SHC4: variants seen among roughly 807,000 people sequenced by gnomAD.
SHC4 encodes SHC-transforming protein 4.
A neutral mutation model predicts 69.4 loss-of-function variants in SHC4; 41 were observed. The ratio of observed to expected loss-of-function variants is 0.59; its 90% CI spans 0.46 to 0.77. The LOEUF is 0.77. Ranked by LOEUF, SHC4 falls within the 30% of genes least tolerant of loss-of-function variation. SHC4 has a pLI of 0.00. For missense variants in SHC4, 777 were observed against 783.8 expected, an observed-to-expected ratio of 0.99 and a Z score of 0.10; for synonymous variants, 318 against 299.3, an observed-to-expected ratio of 1.06 and a Z score of -0.64.
At chr15:48,935,092 T>C (rs1232549533) in intron 1 of SHC4, among the ~76,000 whole-genome samples, 4 of 152,152 alleles carry the variant, frequency 2.6e-5, no homozygotes, top group African/African-American at 4.8e-5. Flanking sequence ...TACATCTCAA[T>C]AAATCAATTA....
intron 2 of SHC4, among the ~76,000 whole-genome samples, chr15:48,910,826 A>G (rs1246635299): frequency 6.6e-6 from 1 of 152,162 alleles, no homozygotes; most frequent in Non-Finnish European, 1.5e-5. Context: ...TTTGACCCAA[A>G]TGCTCATGCA....
At chr15:48,927,506 G>T (rs1052349706) in intron 1 of SHC4, among the ~76,000 whole-genome samples, 1 of 152,164 alleles carries the variant, frequency 6.6e-6, no homozygotes, top group Admixed American at 6.5e-5. Context: ...CCGCTGTGGT[G>T]GTTCTTCAAA....
At chr15:48,865,046 C>T (rs1338296522) in intron 6 of SHC4, among the ~76,000 whole-genome samples, 2 of 152,174 alleles carry the variant, frequency 1.3e-5, no homozygotes, top group African/African-American at 4.8e-5. Flanking sequence ...TTTTTACTTA[C>T]TCCACAAATC....
intron 6 of SHC4, among the ~76,000 whole-genome samples, chr15:48,860,130 T>C (rs1051824139): frequency 7.2e-5 from 11 of 151,766 alleles, no homozygotes; most frequent in Non-Finnish European, 8.8e-5. Flanking sequence ...CTAACACTAA[T>C]ATGCTAGCAA....
chr15:48,860,716 G>A lies in SHC4; in HGVS notation c.947-2901C>T, dbSNP rs1020541336. On this transcript the variant is annotated intron_variant, in intron 6 of 11. Transcript: ENST00000332408. ...GCTAAATTGTACTTCCAGTGAGGGC[G>A]ATGAGAGAATAGGATGTTTAAAAGA... Among the ~76,000 whole-genome samples, 18 of 152,228 alleles carry A rather than the reference G, an allele frequency of 1.2e-4. 1 individual carries two copies. Among genetic ancestry groups the A allele is most frequent in the Non-Finnish European group, 1.9e-4 (13 of 68,010 alleles).
chr15:48,923,156 G>C (rs767381389), intron 2 of SHC4, among the ~76,000 whole-genome samples: 4 of 152,244 alleles, frequency 2.6e-5, no homozygotes, highest in Non-Finnish European at 4.4e-5. Context: ...TCATAAGGCA[G>C]AGAGTCTCAA....
intron 2 of SHC4, among the ~76,000 whole-genome samples, chr15:48,906,480 A>C (rs1900407656): frequency 1.4e-5 from 2 of 142,844 alleles, no homozygotes; most frequent in East Asian, 2.0e-4. Context: ...CCCTTCTCCT[A>C]CTCCCCCATC....
In SHC4 at chr15:48,834,655, G is replaced by A. The variant is rs140384808; in HGVS notation, c.1737+114C>T. ...GTCCTGCTCCAGCTGGAAGGTTCCA[G>A]AAAAAGCAAATACTTAGCCTTGAGC... On this transcript the variant is annotated intron_variant, in intron 11 of 11. Transcript: ENST00000332408. 25 of 1,478,078 alleles carry A rather than the reference G, an allele frequency of 1.7e-5. No homozygotes were observed. In the African/African-American group the frequency reaches 3.4e-4, roughly 20 times the overall value. 91.6% of individuals were successfully genotyped at this position (1,478,078 alleles called of 1,614,324 possible).
At chr15:48,860,046 A>G (rs1458029168) in intron 6 of SHC4, among the ~76,000 whole-genome samples, 1 of 152,188 alleles carries the variant, frequency 6.6e-6, no homozygotes, top group Non-Finnish European at 1.5e-5. Flanking sequence ...CCCTGTCTCT[A>G]AAAAAGAAAG....
Position 48,829,102 on chromosome 15 carries a change from T to TA in SHC4, c.1738-2977dup. 2.0e-5 allele frequency among the ~76,000 whole-genome samples: 3 copies of TA among 152,358 alleles called. 1 individual carries two copies. The highest frequency in any genetic ancestry group is 7.2e-5 in the African/African-American group (3 of 41,594). On this transcript the variant is annotated intron_variant, in intron 11 of 11. Transcript: ENST00000332408. ...TCTGCCTCTAGTTTCATTCCACTGA[T>TA]ACTTGTTATGATGTCAGCCTCTTAA...
chr15:48,926,048 A>T (rs1199731614), intron 1 of SHC4, among the ~76,000 whole-genome samples: 1 of 152,084 alleles, frequency 6.6e-6, no homozygotes, highest in East Asian at 1.9e-4. Flanking sequence ...GAAGATGATG[A>T]ATTGGTTTGG....
chr15:48,954,407 C>T (rs987473244), intron 1 of SHC4, among the ~76,000 whole-genome samples: 1 of 152,204 alleles, frequency 6.6e-6, no homozygotes, highest in African/African-American at 2.4e-5. Context: ...CAGCCTCAGA[C>T]ATTCTGGTCC....
At chr15:48,932,377 A>G (rs186339498) in intron 1 of SHC4, among the ~76,000 whole-genome samples, 7 of 152,312 alleles carry the variant, frequency 4.6e-5, no homozygotes, top group Non-Finnish European at 8.8e-5. Context: ...TCCTTCTACT[A>G]CAGGTTGTCC....
At chr15:48,888,629 C>T (rs1900080052) in intron 3 of SHC4, among the ~76,000 whole-genome samples, 1 of 152,034 alleles carries the variant, frequency 6.6e-6, no homozygotes, top group South Asian at 2.1e-4. Context: ...AGTGGTAGCT[C>T]ACACCTATGA....
At chr15:48,883,101 A>G (rs186588423) in intron 4 of SHC4, among the ~76,000 whole-genome samples, 3 of 152,310 alleles carry the variant, frequency 2.0e-5, no homozygotes, top group Admixed American at 2.0e-4. Flanking sequence ...CTGTACTTAT[A>G]TGTTACTGAT....
chr15:48,877,999 G>A (rs1899848739), intron 4 of SHC4: 3 of 673,540 alleles, frequency 4.5e-6, no homozygotes, highest in African/African-American at 1.8e-5. Context: ...CAACACCCCG[G>A]AGAAAACACT....
At chr15:48,902,333 A>G (rs1201011369) in intron 2 of SHC4, among the ~76,000 whole-genome samples, 2 of 152,178 alleles carry the variant, frequency 1.3e-5, no homozygotes, top group African/African-American at 4.8e-5. Context: ...TATGTCTATC[A>G]TGTGTATAGT....
intron 1 of SHC4, among the ~76,000 whole-genome samples, chr15:48,928,914 T>A (rs11638254): frequency 0.58 from 88,338 of 151,894 alleles, 26,183 homozygotes; most frequent in East Asian, 0.74. Flanking sequence ...AGTGATGAAT[T>A]GGGGCTGAGA....
intron 1 of SHC4, among the ~76,000 whole-genome samples, chr15:48,952,440 A>G (rs1270135425): frequency 6.6e-6 from 1 of 152,224 alleles, no homozygotes; most frequent in Non-Finnish European, 1.5e-5. Context: ...GGATACCATG[A>G]TTAAGATACA....
Sources: allele counts gnomAD v4.1 joint callset (sites outside exome capture counted in the v4.1 genomes callset), GRCh38; gene constraint gnomAD v4.1.1; transcripts MANE v1.5; gene names NCBI Gene and HGNC (gene_info 2026-07-23, HGNC 2026-07-21).